The following NEGR1 variants were observed in gnomAD, a reference collection of about 807,000 sequenced individuals.
The protein encoded by NEGR1 is IgLON family member 4.
In NEGR1, 10 loss-of-function variants were observed where a neutral mutation model predicts 40.9. That is an observed-to-expected ratio of 0.24 (90% confidence interval 0.15 to 0.42). NEGR1 has a LOEUF of 0.42. Ranked by LOEUF, NEGR1 falls within the 10% of genes least tolerant of loss-of-function variation. NEGR1 has a pLI of 1.00. For synonymous variants in NEGR1, 185 were observed against 166.8 expected (o/e 1.11, Z -0.84); for missense variants, 352 against 438.9 (o/e 0.80, Z 1.77).
intron 4 of NEGR1, among the ~76,000 whole-genome samples, chr1:71,611,655 T>A (rs559030897): frequency 1.3e-5 from 2 of 152,238 alleles, no homozygotes; most frequent in Non-Finnish European, 2.9e-5. Context: ...AGAATTTGCC[T>A]TTGAAGTCAG....
At chr1:72,134,619 AG>A (rs2100321213) in intron 1 of NEGR1, among the ~76,000 whole-genome samples, 1 of 144,634 alleles carries the variant, frequency 6.9e-6, no homozygotes, top group African/African-American at 2.5e-5. Context: ...ATTTTATATA[AG>A]ATCTAGATAA....
chr1:71,476,746 C>A (rs1287306341), intron 6 of NEGR1: 2 of 152,032 alleles, frequency 1.3e-5, no homozygotes, highest in Non-Finnish European at 2.9e-5. Flanking sequence ...AATACTGGGA[C>A]TACATGTTAT....
intron 1 of NEGR1, among the ~76,000 whole-genome samples, chr1:71,980,481 A>G (rs2554414): frequency 0.28 from 42,259 of 151,976 alleles, 6,311 homozygotes; most frequent in African/African-American, 0.39. Context: ...ATTCTTCTAC[A>G]GTCGGTTAAA....
intron 1 of NEGR1, among the ~76,000 whole-genome samples, chr1:72,128,339 G>A (rs944429402): frequency 2.6e-5 from 4 of 152,100 alleles, no homozygotes; most frequent in Non-Finnish European, 5.9e-5. Context: ...GGAACATTTG[G>A]GAAAGCAAGA....
intron 6 of NEGR1, among the ~76,000 whole-genome samples, chr1:71,563,198 T>C (rs1648515800): frequency 6.6e-6 from 1 of 152,012 alleles, no homozygotes; most frequent in Admixed American, 6.6e-5. Context: ...ACTGACTACC[T>C]TTTACTTAAG....
intron 1 of NEGR1, among the ~76,000 whole-genome samples, chr1:72,156,618 C>G (rs1570053347): frequency 6.6e-6 from 1 of 152,060 alleles, no homozygotes; most frequent in South Asian, 2.1e-4. Flanking sequence ...ATTGCTGTTG[C>G]TACCATAGTC....
At chr1:72,142,521 T>C (rs1342808235) in intron 1 of NEGR1, among the ~76,000 whole-genome samples, 5 of 132,608 alleles carry the variant, frequency 3.8e-5, no homozygotes, top group East Asian at 2.3e-4. Flanking sequence ...GATACCTAGA[T>C]AGATGATAGA....
intron 1 of NEGR1, among the ~76,000 whole-genome samples, chr1:72,085,065 T>G (rs1648159577): frequency 6.6e-6 from 1 of 152,218 alleles, no homozygotes; most frequent in Admixed American, 6.5e-5. Flanking sequence ...AAAGCTCATT[T>G]TAGGTATCTT....
chr1:71,470,859 T>C (rs1287797779), intron 6 of NEGR1, among the ~76,000 whole-genome samples: 1 of 152,142 alleles, frequency 6.6e-6, no homozygotes, highest in Non-Finnish European at 1.5e-5. Context: ...ATACTTTAAC[T>C]TTCCCTCACG....
At chr1:72,117,689 C>T (rs556455362) in intron 1 of NEGR1, among the ~76,000 whole-genome samples, 2 of 151,856 alleles carry the variant, frequency 1.3e-5, no homozygotes, top group Non-Finnish European at 2.9e-5. Context: ...CAGAGCCAGA[C>T]ATTTATTCCG....
chr1:71,658,990 T>C (rs2101588733), intron 4 of NEGR1, among the ~76,000 whole-genome samples: 1 of 152,272 alleles, frequency 6.6e-6, no homozygotes, highest in East Asian at 1.9e-4. Flanking sequence ...AATCTTGGAT[T>C]TTCTGTAATA....
At chr1:71,493,597 A>G (rs570965206) in intron 6 of NEGR1, among the ~76,000 whole-genome samples, 1 of 152,304 alleles carries the variant, frequency 6.6e-6, no homozygotes, top group Admixed American at 6.5e-5. Flanking sequence ...TGAATCTGAT[A>G]TAAATTTTAG....
In NEGR1 at chr1:72,263,754, ACT is replaced by A. The variant is rs377495717; in HGVS notation, c.176+18563_176+18564del. ...TCTTTTGGCACACACACACAAAAAA[ACT>A]CTCTCTTACCTCTTATGTCCCAAAT... is the stretch of plus-strand genomic sequence containing the variant. On this transcript the variant is annotated intron_variant, in intron 1 of 6. Transcript: ENST00000357731. 5.1e-3 allele frequency among the ~76,000 whole-genome samples: 776 copies of A among 151,538 alleles called. 5 individuals are homozygous for A. The highest frequency in any genetic ancestry group is 0.018 in the African/African-American group (741 of 41,458).
chr1:71,982,289 C>T (rs1646360764), intron 1 of NEGR1, among the ~76,000 whole-genome samples: 1 of 152,040 alleles, frequency 6.6e-6, no homozygotes, highest in African/African-American at 2.4e-5. Context: ...AACTTGTTTT[C>T]TTCTAAGTAA....
intron 1 of NEGR1, among the ~76,000 whole-genome samples, chr1:72,046,200 C>CA (rs372717350): frequency 2.7e-4 from 41 of 150,458 alleles, no homozygotes; most frequent in African/African-American, 9.0e-4. Context: ...AGCAAAAATG[C>CA]AAAAAAAGGT....
Position 72,212,226 on chromosome 1 carries a change from TG to T in NEGR1, c.176+70092del, listed in dbSNP as rs1176039759. On this transcript the variant is annotated intron_variant, in intron 1 of 6. Transcript: ENST00000357731. Reference sequence around the variant, plus strand: ...TGTGTTAAACTTTATCAATTGATGTTGTAAAATTACAATCAATTAACTTTAT... The same window carrying T: ...TGTGTTAAACTTTATCAATTGATGTTTAAAATTACAATCAATTAACTTTAT... Among the ~76,000 whole-genome samples, 7 of 152,122 alleles carry T rather than the reference TG, an allele frequency of 4.6e-5. No homozygotes were observed. In the South Asian group the frequency reaches 1.5e-3, roughly 32 times the overall value.
chr1:72,074,731 C>T (rs1029197164), intron 1 of NEGR1, among the ~76,000 whole-genome samples: 2 of 151,944 alleles, frequency 1.3e-5, no homozygotes, highest in African/African-American at 4.8e-5. Context: ...TTTATTTTTA[C>T]TTCATTCTAT....
At chr1:71,835,936 A>G (rs1388438008) in intron 2 of NEGR1, among the ~76,000 whole-genome samples, 1 of 152,078 alleles carries the variant, frequency 6.6e-6, no homozygotes, top group Non-Finnish European at 1.5e-5. Flanking sequence ...GTGTGTGCAC[A>G]TATGTGTCTT....
At chr1:71,644,572 A>G (rs988786) in intron 4 of NEGR1, among the ~76,000 whole-genome samples, 63,241 of 151,706 alleles carry the variant, frequency 0.42, 13,542 homozygotes, top group East Asian at 0.65. Context: ...ACAATGTCTG[A>G]CATATGATAA....
Sources: gnomAD v4.1 joint callset for allele counts (sites outside exome capture counted in the v4.1 genomes callset) on GRCh38, gnomAD v4.1.1 for gene constraint, MANE v1.5 for transcripts, NCBI Gene and HGNC (gene_info 2026-07-23, HGNC 2026-07-21) for gene names.